The following DMD variants were observed in gnomAD, a reference collection of about 807,000 sequenced individuals.
DMD encodes mutant dystrophin.
A neutral mutation model predicts 330.1 loss-of-function variants in DMD; 63 were observed. The observed-to-expected ratio is 0.19, with a 90% confidence interval of 0.16 to 0.24. DMD has a LOEUF of 0.24. Among genes scored for constraint, DMD ranks in the 10% least tolerant of loss-of-function variants. The pLI, the probability that DMD is intolerant of heterozygous loss-of-function variation, is 1.00. For synonymous variants in DMD, 1,223 were observed against 959.8 expected (o/e 1.27, Z -5.07); for missense variants, 3,344 against 2,684.1 (o/e 1.25, Z -5.43).
intron 2 of DMD, among the ~76,000 whole-genome samples, chrX:33,014,740 GA>G (rs1267878039): frequency 9.1e-6 from 1 of 109,729 alleles, no homozygotes; most frequent in Non-Finnish European, 1.9e-5. Context: ...AGATTCAGTA[GA>G]AAAAAATTCA....
chrX:32,594,361 G>C (rs1162372186), intron 13 of DMD, among the ~76,000 whole-genome samples: 1 of 111,271 alleles, frequency 9.0e-6, no homozygotes, highest in Non-Finnish European at 1.9e-5. Flanking sequence ...GTGGTGATGA[G>C]GGATGCCAGG....
intron 54 of DMD, among the ~76,000 whole-genome samples, chrX:31,633,982 G>A (rs1310070950): frequency 8.9e-6 from 1 of 112,083 alleles, no homozygotes; most frequent in African/African-American, 3.2e-5. Context: ...TCTGAAGACA[G>A]ATATTGGAAT....
intron 7 of DMD, among the ~76,000 whole-genome samples, chrX:32,703,213 C>A: frequency 8.9e-6 from 1 of 111,738 alleles, no homozygotes; most frequent in South Asian, 3.8e-4. Context: ...ACTCCCCCCG[C>A]AAAACCTAAG....
chrX:31,549,459 T>C (rs758545101), intron 55 of DMD, among the ~76,000 whole-genome samples: 4 of 112,162 alleles, frequency 3.6e-5, no homozygotes, highest in East Asian at 2.8e-4. Context: ...AAAAATTCTA[T>C]AGAATTCTTC....
At chrX:32,273,354 G>A (rs934605841) in intron 43 of DMD, among the ~76,000 whole-genome samples, 7 of 110,814 alleles carry the variant, frequency 6.3e-5, no homozygotes, top group Non-Finnish European at 1.3e-4. Context: ...CTTCTCAGAA[G>A]GCTGAGGTGG....
At chrX:31,633,457 C>T (rs1205811711) in intron 54 of DMD, among the ~76,000 whole-genome samples, 1 of 111,574 alleles carries the variant, frequency 9.0e-6, no homozygotes, top group Non-Finnish European at 1.9e-5. Flanking sequence ...CTATTGTGTA[C>T]CAGGATCTGT....
At position 31,185,538 on chromosome X, in the gene DMD, A is replaced by T. The variant is rs1202669484; in HGVS notation, c.9808-2634T>A. ...TGTACTTTTGACATCTAGAAATACT[A>T]CTTGGTCATTTTTAAGGTAACTTCT... is the stretch of plus-strand genomic sequence containing the variant. On this transcript the variant is annotated intron_variant, in intron 67 of 78. Transcript: ENST00000357033. Among the ~76,000 whole-genome samples, 9 of 112,068 alleles carry T rather than the reference A, an allele frequency of 8.0e-5. No individual in the cohort carries two copies. The Admixed American group carries it at 8.5e-4, about 11-fold the overall frequency.
intron 60 of DMD, among the ~76,000 whole-genome samples, chrX:31,396,548 GTTTTTTTT>G (rs56745544): frequency 4.5e-5 from 3 of 66,067 alleles, no homozygotes; most frequent in Admixed American, 2.1e-4. Context: ...AAATCCCAGG[GTTTTTTTT>G]TTTTTTTTTT....
chrX:31,633,941 T>G (rs1335083773), intron 54 of DMD, among the ~76,000 whole-genome samples: 1 of 112,313 alleles, frequency 8.9e-6, no homozygotes, highest in African/African-American at 3.2e-5. Flanking sequence ...ATAGCCCAAG[T>G]CTTGCATTCT....
intron 60 of DMD, among the ~76,000 whole-genome samples, chrX:31,396,174 G>A (rs1197491007): frequency 2.1e-5 from 2 of 96,293 alleles, no homozygotes; most frequent in African/African-American, 7.8e-5. Context: ...GTCTCGCTCT[G>A]TGGCCCAGGC....
chrX:32,471,714 G>A (rs1219241152), intron 22 of DMD, among the ~76,000 whole-genome samples: 1 of 111,704 alleles, frequency 9.0e-6, no homozygotes, highest in Non-Finnish European at 1.9e-5. Context: ...TTCATATAAA[G>A]GACTTGAACA....
intron 44 of DMD, among the ~76,000 whole-genome samples, chrX:32,082,391 GCTAT>G (rs74475298): frequency 0.04 from 3,776 of 95,216 alleles, 81 homozygotes; most frequent in South Asian, 0.062. Flanking sequence ...ACCTCGCCCG[GCTAT>G]CTATCTATCT....
chrX:32,902,323 G>A (rs995963498), intron 2 of DMD, among the ~76,000 whole-genome samples: 1 of 110,340 alleles, frequency 9.1e-6, no homozygotes, highest in African/African-American at 3.4e-5. Flanking sequence ...AAAGCGAGGT[G>A]CATTAGAAGA....
At chrX:31,419,782 T>C (rs2063265281) in intron 60 of DMD, among the ~76,000 whole-genome samples, 1 of 111,931 alleles carries the variant, frequency 8.9e-6, no homozygotes, top group African/African-American at 3.3e-5. Context: ...TTTGGAAATC[T>C]TGAGGTAGAG....
At chrX:31,213,104 C>A (rs986152078) in intron 64 of DMD, among the ~76,000 whole-genome samples, 17 of 112,757 alleles carry the variant, frequency 1.5e-4, no homozygotes, top group Non-Finnish European at 3.0e-4. Flanking sequence ...GCAACTTACA[C>A]TTATGGCTGA....
intron 43 of DMD, among the ~76,000 whole-genome samples, chrX:32,272,531 T>C (rs1240921687): frequency 8.9e-6 from 1 of 112,271 alleles, no homozygotes; most frequent in African/African-American, 3.2e-5. Flanking sequence ...AGGAAGAACA[T>C]AATCCTTGAG....
At chrX:32,648,248 A>T (rs1371835458) in intron 9 of DMD, among the ~76,000 whole-genome samples, 1 of 111,810 alleles carries the variant, frequency 8.9e-6, no homozygotes, top group Non-Finnish European at 1.9e-5. Context: ...AGCCTTCTTA[A>T]AGATAAATTC....
At chrX:32,516,134 C>T (rs182275241) in intron 18 of DMD, among the ~76,000 whole-genome samples, 21 of 110,998 alleles carry the variant, frequency 1.9e-4, no homozygotes, top group African/African-American at 6.2e-4. Flanking sequence ...GTTCATGACA[C>T]GAGCCTGCCA....
intron 55 of DMD, among the ~76,000 whole-genome samples, chrX:31,604,159 C>T (rs2077498918): frequency 8.9e-6 from 1 of 112,273 alleles, no homozygotes; most frequent in South Asian, 3.6e-4. Flanking sequence ...ATTTGAATGA[C>T]AGTCTTCCTA....
Sources: allele counts gnomAD v4.1 joint callset (sites outside exome capture counted in the v4.1 genomes callset), GRCh38; gene constraint gnomAD v4.1.1; transcripts MANE v1.5; gene names NCBI Gene and HGNC (gene_info 2026-07-23, HGNC 2026-07-21).